The following FAF1 variants were observed in gnomAD, a reference collection of about 807,000 sequenced individuals.
The protein encoded by FAF1 is FAS-associated factor 1.
FAF1 carries 25 observed loss-of-function variants against 92.5 expected under a neutral mutation model. That is an observed-to-expected ratio of 0.27 (90% CI 0.20 to 0.38). The LOEUF is 0.38. Ranked by LOEUF, FAF1 falls within the 10% of genes least tolerant of loss-of-function variation. The probability of loss-of-function intolerance (pLI) is 1.00; values close to 1 mark genes in which losing one functional copy is unlikely to be tolerated. For synonymous variants in FAF1, 234 were observed against 273.2 expected (o/e 0.86, Z 1.42); for missense variants, 636 against 793.3 (o/e 0.80, Z 2.38).
chr1:50,830,755 A>G (rs1644145579), intron 2 of FAF1, among the ~76,000 whole-genome samples: 1 of 152,144 alleles, frequency 6.6e-6, no homozygotes, highest in Admixed American at 6.5e-5. Context: ...ATAAAAAGGA[A>G]TGTTGAAAAA....
At chr1:50,880,651 C>T (rs753479017) in intron 1 of FAF1, among the ~76,000 whole-genome samples, 60 of 152,310 alleles carry the variant, frequency 3.9e-4, no homozygotes, top group Non-Finnish European at 6.9e-4. Context: ...AAACATTGAT[C>T]GTGGACTTCT....
At chr1:50,789,253 C>T (rs1024286813) in intron 3 of FAF1, among the ~76,000 whole-genome samples, 1 of 152,144 alleles carries the variant, frequency 6.6e-6, no homozygotes, top group East Asian at 1.9e-4. Flanking sequence ...CAAATCTCTC[C>T]CTTCTTAAAA....
intron 8 of FAF1, among the ~76,000 whole-genome samples, chr1:50,645,465 T>C (rs981028083): frequency 6.6e-6 from 1 of 152,228 alleles, no homozygotes; most frequent in Non-Finnish European, 1.5e-5. Flanking sequence ...GTGGGCCACA[T>C]GGTCTTTGTT....
intron 18 of FAF1, among the ~76,000 whole-genome samples, chr1:50,445,940 C>T (rs1483694057): frequency 2.6e-5 from 4 of 152,132 alleles, no homozygotes; most frequent in Non-Finnish European, 5.9e-5. Context: ...CTTTCTAGAT[C>T]AATTTTCTTA....
Position 50,500,317 on chromosome 1 carries a change from A to G in FAF1, c.1495-8516T>C, listed in dbSNP as rs186293481. ...TGTATGGTACTGTTGTAAAGACAGAAAAAAAATGGAAAAAAAATAAAGTCC... is the reference window on the plus strand; with the variant it reads ...TGTATGGTACTGTTGTAAAGACAGAGAAAAAATGGAAAAAAAATAAAGTCC... On this transcript the variant is annotated intron_variant, in intron 15 of 18. Transcript: ENST00000396153. 2.0e-4 allele frequency among the ~76,000 whole-genome samples: 30 copies of G among 152,288 alleles called. 1 individual carries two copies. The East Asian group carries it at 5.4e-3, about 27-fold the overall frequency.
At chr1:50,743,907 C>G (rs1659488596) in intron 5 of FAF1, among the ~76,000 whole-genome samples, 1 of 151,850 alleles carries the variant, frequency 6.6e-6, no homozygotes, top group African/African-American at 2.4e-5. Flanking sequence ...CTCATCTCTA[C>G]TAAAAATGCA....
At chr1:50,732,007 T>A (rs947504058) in intron 6 of FAF1, among the ~76,000 whole-genome samples, 1 of 152,142 alleles carries the variant, frequency 6.6e-6, no homozygotes, top group Non-Finnish European at 1.5e-5. Flanking sequence ...CCATGAGTGC[T>A]TTACGGGGTT....
chr1:50,706,693 A>G (rs1056023783), intron 6 of FAF1, among the ~76,000 whole-genome samples: 5 of 152,254 alleles, frequency 3.3e-5, no homozygotes, highest in African/African-American at 1.2e-4. Context: ...AATGAGTATT[A>G]AACTAATATT....
At chr1:50,676,142 C>T (rs1404869880) in intron 7 of FAF1, among the ~76,000 whole-genome samples, 1 of 152,254 alleles carries the variant, frequency 6.6e-6, no homozygotes, top group African/African-American at 2.4e-5. Flanking sequence ...CACAGTGGCT[C>T]ATGCCTGTAA....
At chr1:50,596,088 T>G in intron 9 of FAF1, 33 bp downstream of exon 9, 8 of 1,490,718 alleles carry the variant, frequency 5.4e-6, no homozygotes, top group Non-Finnish European at 6.5e-6. Flanking sequence ...GGATGGGCCT[T>G]CTGTTCAAAG....
chr1:50,496,746 G>A (rs559073761), intron 15 of FAF1, among the ~76,000 whole-genome samples: 39 of 152,156 alleles, frequency 2.6e-4, no homozygotes, highest in East Asian at 2.3e-3. Flanking sequence ...AAAATCAGCC[G>A]GGCATGGTGG....
At chr1:50,939,842 T>G (rs1645116552) in intron 1 of FAF1, among the ~76,000 whole-genome samples, 1 of 152,220 alleles carries the variant, frequency 6.6e-6, no homozygotes. Flanking sequence ...AAGGTCATTT[T>G]GAAGTAAATT....
At chr1:50,652,330 A>G (rs893571642) in intron 8 of FAF1, among the ~76,000 whole-genome samples, 2 of 152,218 alleles carry the variant, frequency 1.3e-5, no homozygotes, top group African/African-American at 4.8e-5. Context: ...CATGGGTCTC[A>G]TAAAAGACCA....
chr1:50,459,744 A>G (rs758910569), intron 18 of FAF1, among the ~76,000 whole-genome samples: 2 of 152,166 alleles, frequency 1.3e-5, no homozygotes, highest in Admixed American at 6.5e-5. Flanking sequence ...CACTACTTTA[A>G]TCCTTCCTAA....
chr1:50,855,927 T>C (rs1346552290), intron 2 of FAF1, among the ~76,000 whole-genome samples: 1 of 151,838 alleles, frequency 6.6e-6, no homozygotes, highest in African/African-American at 2.4e-5. Flanking sequence ...CAAGTGTTGT[T>C]AGAATATTCT....
intron 2 of FAF1, among the ~76,000 whole-genome samples, chr1:50,837,886 G>C (rs1341160664): frequency 6.6e-6 from 1 of 152,050 alleles, no homozygotes; most frequent in Non-Finnish European, 1.5e-5. Flanking sequence ...TGGGACTACA[G>C]GCGTGTGACA....
chr1:50,666,119 G>A (rs1471403582), intron 7 of FAF1, among the ~76,000 whole-genome samples: 6 of 149,298 alleles, frequency 4.0e-5, no homozygotes, highest in South Asian at 4.2e-4. Context: ...AGGTTGCAGT[G>A]AGCCCAGATC....
chr1:50,845,240 T>C (rs1308137875), intron 2 of FAF1, among the ~76,000 whole-genome samples: 2 of 152,246 alleles, frequency 1.3e-5, no homozygotes, highest in Non-Finnish European at 2.9e-5. Flanking sequence ...GCCTGCAGTT[T>C]CTGGCTGCAA....
At chr1:50,547,177 G>A (rs1241907256) in intron 13 of FAF1, among the ~76,000 whole-genome samples, 1 of 152,038 alleles carries the variant, frequency 6.6e-6, no homozygotes, top group Non-Finnish European at 1.5e-5. Flanking sequence ...ACAGGCATGA[G>A]CCACCACACC....
Sources: gnomAD v4.1 joint callset for allele counts (sites outside exome capture counted in the v4.1 genomes callset) on GRCh38, gnomAD v4.1.1 for gene constraint, MANE v1.5 for transcripts, NCBI Gene and HGNC (gene_info 2026-07-23, HGNC 2026-07-21) for gene names.